PARP9: variants seen among roughly 807,000 people sequenced by gnomAD.
PARP9 encodes the protein poly(ADP-ribose) polymerase family member 9.
In PARP9, 48 loss-of-function variants were observed where a neutral mutation model predicts 68.8. That is an observed-to-expected ratio of 0.70 (90% confidence interval 0.55 to 0.89). The LOEUF (loss-of-function observed/expected upper bound fraction) is 0.89. Ranked by LOEUF, PARP9 falls within the 40% of genes least tolerant of loss-of-function variation. The pLI, the probability that PARP9 is intolerant of heterozygous loss-of-function variation, is 0.00. For synonymous variants in PARP9, 309 were observed against 333.8 expected, an observed-to-expected ratio of 0.93 and a Z score of 0.81; for missense variants, 806 against 969.3, an observed-to-expected ratio of 0.83 and a Z score of 2.24.
chr3:122,546,987 TATATATATATATATATATATATATATAC>T lies in PARP9; in HGVS notation c.1327-1526_1327-1499del, dbSNP rs1463910948. Among the ~76,000 whole-genome samples, 12 of 73,744 alleles carry T rather than the reference TATATATATATATATATATATATATATAC, an allele frequency of 1.6e-4. 1 individual carries two copies. Among genetic ancestry groups the T allele is most frequent in the East Asian group, 9.6e-4 (1 of 1,046 alleles). 48.4% of individuals were successfully genotyped at this position (73,744 alleles called of 152,430 possible). A position where few individuals can be genotyped will look rare whatever the true frequency, so the allele number is the denominator to read the frequency against. ...ATGGCACTATATATATATATATATA[TATATATATATATATATATATATATATAC>T]ACACACACACATACACACACATATA... On this transcript the variant is annotated intron_variant, in intron 6 of 10. Coordinates refer to ENST00000682323, the MANE Select transcript of PARP9 (RefSeq NM_001146105.2).
chr3:122,536,507 TCTC>T (rs1395497566), intron 9 of PARP9, 165 bp from the exon 10 acceptor site: 3 of 1,262,258 alleles, frequency 2.4e-6, no homozygotes, highest in African/African-American at 1.5e-5. Context: ...CCTCTAATCC[TCTC>T]CTATTTTGAT....
intron 1 of PARP9, among the ~76,000 whole-genome samples, chr3:122,561,153 C>A (rs1425512454): frequency 6.6e-6 from 1 of 152,218 alleles, no homozygotes; most frequent in Non-Finnish European, 1.5e-5. Context: ...GCCTCATTCC[C>A]AGCACCCTTT....
intron 5 of PARP9, 36 bp downstream of exon 5, chr3:122,552,382 T>C: frequency 6.9e-7 from 1 of 1,458,926 alleles, no homozygotes; most frequent in Non-Finnish European, 9.6e-7. Flanking sequence ...GTATAGACTA[T>C]GGAGCTAAAT....
chr3:122,531,290 T>C (rs988888121), intron 10 of PARP9, among the ~76,000 whole-genome samples: 3 of 152,230 alleles, frequency 2.0e-5, no homozygotes, highest in African/African-American at 7.2e-5. Context: ...AGATAAAATA[T>C]AGTACAATTT....
At chr3:122,564,721 G>C, upstream of PARP9, 1 of 1,357,470 alleles carries the variant, frequency 7.4e-7, no homozygotes, top group Non-Finnish European at 9.9e-7. Flanking sequence ...GAGAAAGTAT[G>C]TCACTGTGCG....
At chr3:122,562,638 C>T (rs1448054618) in intron 1 of PARP9, among the ~76,000 whole-genome samples, 1 of 152,186 alleles carries the variant, frequency 6.6e-6, no homozygotes, top group Non-Finnish European at 1.5e-5. Flanking sequence ...CAGAGTCAAT[C>T]AGCGCTTCTC....
upstream of PARP9, chr3:122,564,366 G>A: frequency 1.3e-6 from 2 of 1,529,000 alleles, no homozygotes; most frequent in South Asian, 1.2e-5. Flanking sequence ...CGCAGGGCGG[G>A]CCGCGCCTTT....
intron 10 of PARP9, chr3:122,535,874 C>T (rs2077603040): frequency 1.8e-6 from 2 of 1,137,962 alleles, no homozygotes; most frequent in South Asian, 3.0e-5. Flanking sequence ...TCAACGTGTT[C>T]TCTGCGGATA....
intron 9 of PARP9, 44 bp from the exon 10 acceptor site, chr3:122,536,386 C>A: frequency 6.3e-7 from 1 of 1,595,388 alleles, no homozygotes; most frequent in East Asian, 2.2e-5. Flanking sequence ...GCTAGAGAAC[C>A]GCTCTTTAAA....
At chr3:122,549,657 T>G (rs1466555105) in intron 6 of PARP9, among the ~76,000 whole-genome samples, 1 of 152,096 alleles carries the variant, frequency 6.6e-6, no homozygotes, top group East Asian at 1.9e-4. Context: ...AGCATGTGCC[T>G]GTAGTGCCTG....
In PARP9 at chr3:122,536,920, T is replaced by C. The variant is rs1453877683; in HGVS notation, c.1905+14A>G. 1.3e-6 allele frequency: 2 copies of C among 1,595,208 alleles called. No homozygotes were observed. Among genetic ancestry groups the C allele is most frequent in the African/African-American group, 2.7e-5 (2 of 73,560 alleles). Reference sequence around the variant, plus strand: ...CAACAAAATGAGCCAAATCTTCCCCTTTGTTAGGTATACCTTTAGAACCTG... The same window carrying C: ...CAACAAAATGAGCCAAATCTTCCCCCTTGTTAGGTATACCTTTAGAACCTG... On this transcript the variant is annotated intron_variant, in intron 9 of 10. Coordinates refer to ENST00000682323, the MANE Select transcript of PARP9 (RefSeq NM_001146105.2).
intron 10 of PARP9, chr3:122,532,291 A>C: frequency 1.0e-6 from 1 of 985,310 alleles, no homozygotes. Flanking sequence ...GCCTGTGCAG[A>C]CACTACCTGA....
intron 7 of PARP9, among the ~76,000 whole-genome samples, chr3:122,542,414 A>AT (rs1225996522): frequency 2.9e-4 from 42 of 146,956 alleles, no homozygotes; most frequent in East Asian, 2.0e-4. Flanking sequence ...AATAATACTA[A>AT]TTTTTTTTTT....
At chr3:122,557,114 TTA>T (rs2079759022) in intron 3 of PARP9, among the ~76,000 whole-genome samples, 1 of 152,040 alleles carries the variant, frequency 6.6e-6, no homozygotes, top group African/African-American at 2.4e-5. Context: ...AGTATACCTG[TTA>T]TCAATTGATG....
At chr3:122,534,612 G>A (rs1231755374) in intron 10 of PARP9, 4 of 283,496 alleles carry the variant, frequency 1.4e-5, no homozygotes, top group Non-Finnish European at 2.1e-5. Flanking sequence ...GGGCATGGTG[G>A]CTCATACCTG....
rs1238516742 is a variant in PARP9 at position 122,562,161 on chromosome 3, T to TTCTTTTA, written c.-90+2083_-90+2084insTAAAAGA. Among the ~76,000 whole-genome samples the TTCTTTTA allele has an allele frequency of 5.9e-5, 3 of 50,572 alleles. No homozygotes were observed. In the Admixed American group the frequency reaches 7.2e-4, roughly 12 times the overall value. The allele number at this position is 50,572 out of a possible 152,430, so 33.2% of individuals were successfully genotyped here. On this transcript the variant is annotated intron_variant, in intron 1 of 10. Coordinates refer to ENST00000682323, the MANE Select transcript of PARP9 (RefSeq NM_001146105.2). ...GCCTGAGCTGTGGCAATATACTCTT[T>TTCTTTTA]TCTTTTCTTTTCTTTTCTTTTCTTT... is the stretch of plus-strand genomic sequence containing the variant.
intron 10 of PARP9, among the ~76,000 whole-genome samples, chr3:122,530,577 A>G (rs1559795348): frequency 6.6e-6 from 1 of 152,232 alleles, no homozygotes. Flanking sequence ...TGGATCTCGA[A>G]GTAATCCCTG....
intron 10 of PARP9, among the ~76,000 whole-genome samples, chr3:122,530,101 C>T (rs921459218): frequency 1.4e-5 from 2 of 144,430 alleles, no homozygotes; most frequent in Non-Finnish European, 1.5e-5. Context: ...TGATTGAACT[C>T]AGGAGGTTGA....
At chr3:122,536,911 A>G in intron 9 of PARP9, 23 bp downstream of exon 9, 2 of 1,590,936 alleles carry the variant, frequency 1.3e-6, no homozygotes, top group East Asian at 2.2e-5. Flanking sequence ...AATGAGCCAA[A>G]TCTTCCCCTT....
Sources: gnomAD v4.1 joint callset for allele counts (sites outside exome capture counted in the v4.1 genomes callset) on GRCh38, gnomAD v4.1.1 for gene constraint, MANE v1.5 for transcripts, NCBI Gene and HGNC (gene_info 2026-07-23, HGNC 2026-07-21) for gene names.